ZNF224: variants seen among roughly 807,000 people sequenced by gnomAD.
The protein encoded by ZNF224 is bone marrow zinc finger 2.
ZNF224 carries 8 observed loss-of-function variants against 10.5 expected under a neutral mutation model. The ratio of observed to expected loss-of-function variants is 0.76; its 90% CI spans 0.45 to 1.37. The LOEUF is 1.37. Among genes scored for constraint, ZNF224 ranks in the 40% most tolerant of loss-of-function variants. The pLI is 0.00. For synonymous variants in ZNF224, 282 were observed against 287.8 expected (o/e 0.98, Z 0.20); for missense variants, 754 against 854.0 (o/e 0.88, Z 1.46).
intron 5 of ZNF224, among the ~76,000 whole-genome samples, chr19:44,104,131 CCT>C (rs1019137778): frequency 1.3e-5 from 2 of 152,308 alleles, no homozygotes; most frequent in African/African-American, 4.8e-5. Context: ...TTTCTTTACC[CCT>C]GTCAGGTCCA....
chr19:44,106,922 C>T lies in ZNF224; in HGVS notation c.762C>T (p.His254=). The change falls in exon 6 of 6, where the codon CAC becomes CAT. Residue 254 remains histidine, a synonymous_variant. Coordinates refer to ENST00000693561, the MANE Select transcript of ZNF224 (RefSeq NM_001321645.3). ...RSALNVHHKL[H]TGEKPYNCEE... ...CACTTAATGTTCATCATAAATTACA[C>T]ACAGGAGAGAAACCTTATAATTGTG... The T allele has an allele frequency of 1.2e-6, 2 of 1,608,266 alleles. No homozygotes were observed. The highest frequency in any genetic ancestry group is 1.3e-5 in the African/African-American group (1 of 74,932).
intron 3 of ZNF224, among the ~76,000 whole-genome samples, chr19:44,100,225 CAG>C (rs750786296): frequency 7.9e-5 from 12 of 152,176 alleles, no homozygotes. Context: ...TGGGAAGGGA[CAG>C]AGCCTTATAT....
rs1265363410 is a variant in ZNF224 at position 44,107,813 on chromosome 19, G to C, written c.1653G>C (p.Trp551Cys). Residue 551 changes from tryptophan (W) to cysteine (C), a missense_variant, in exon 6 of 6, where the codon TGG becomes TGC. Coordinates refer to ENST00000693561, the MANE Select transcript of ZNF224 (RefSeq NM_001321645.3). ...AGGAATGTGGGAAGAGTTTTGGCTG[G>C]GCCTCGTGTCTTTTGAAACATCAGA... ...NCKECGKSFG[W>C]ASCLLKHQRL... 1 of 1,601,400 alleles carries C rather than the reference G, an allele frequency of 6.2e-7. No individual in the cohort carries two copies. Among genetic ancestry groups the C allele is most frequent in the African/African-American group, 1.4e-5 (1 of 73,944 alleles).
At chr19:44,095,492 G>A (rs1967419333) in intron 1 of ZNF224, 1 of 152,172 alleles carries the variant, frequency 6.6e-6, no homozygotes, top group African/African-American at 2.4e-5. Flanking sequence ...GGACTTAGGT[G>A]GGGAAAGCAA....
At position 44,101,317 on chromosome 19, in the gene ZNF224, C is replaced by G. The variant is rs1239208313; in HGVS notation, c.235+92C>G. 8.5e-6 allele frequency: 11 copies of G among 1,299,058 alleles called. No individual in the cohort carries two copies. The African/African-American group carries it at 1.6e-4, about 19-fold the overall frequency. 80.5% of individuals were successfully genotyped at this position (1,299,058 alleles called of 1,614,324 possible). A position where few individuals can be genotyped will look rare whatever the true frequency, so the allele number is the denominator to read the frequency against. Reference sequence around the variant, plus strand: ...AATCCATTGCCCTGGCCTAAATGGCCAAACCTCTTTCTTGGATTATTGACA... The same window carrying G: ...AATCCATTGCCCTGGCCTAAATGGCGAAACCTCTTTCTTGGATTATTGACA... On this transcript the variant is annotated intron_variant, in intron 5 of 5. Coordinates refer to ENST00000693561, the MANE Select transcript of ZNF224 (RefSeq NM_001321645.3).
chr19:44,107,786 T>C lies in ZNF224; in HGVS notation c.1626T>C (p.Cys542=). 1 of 1,601,498 alleles carries C rather than the reference T, an allele frequency of 6.2e-7. No homozygotes were observed. The highest frequency in any genetic ancestry group is 8.5e-7 in the Non-Finnish European group (1 of 1,172,466). The change falls in exon 6 of 6, where the codon TGT becomes TGC. Residue 542 remains cysteine, a synonymous_variant. Coordinates refer to ENST00000693561, the MANE Select transcript of ZNF224 (RefSeq NM_001321645.3). The part of the protein sequence containing the change: ...KVHTGERPYN[C]KECGKSFGWA... ...ACACAGGAGAGAGACCATACAATTG[T>C]AAGGAATGTGGGAAGAGTTTTGGCT... is the stretch of plus-strand genomic sequence containing the variant.
intron 5 of ZNF224, among the ~76,000 whole-genome samples, chr19:44,104,314 T>C (rs1239153803): frequency 2.6e-5 from 4 of 152,238 alleles, no homozygotes; most frequent in Non-Finnish European, 4.4e-5. Flanking sequence ...TTTGATATTA[T>C]TGTGAAGAGT....
Position 44,107,045 on chromosome 19 carries a change from GA to G in ZNF224, c.886del (p.Ser296AlafsTer41). The G allele has an allele frequency of 1.9e-6, 3 of 1,602,722 alleles. No individual in the cohort carries two copies. Among genetic ancestry groups the G allele is most frequent in the Non-Finnish European group, 2.6e-6 (3 of 1,173,640 alleles). On this transcript the variant is annotated frameshift_variant, in exon 6 of 6. Coordinates refer to ENST00000693561, the MANE Select transcript of ZNF224 (RefSeq NM_001321645.3). LOFTEE classifies it low-confidence loss of function (END_TRUNC). Reference protein sequence around the residue: ...KPFKCDICGKSFCGRSRLNRH... With the variant: ...KPFKCDICGKXFCGRSRLNRH... The stretch of plus-strand genomic sequence containing the variant: ...CATTCAAATGTGATATATGTGGTAA[GA>G]GCTTCTGTGGTAGATCAAGACTTAA...
At position 44,107,119 on chromosome 19, in the gene ZNF224, C is replaced by T. The variant is rs138490189; in HGVS notation, c.959C>T (p.Thr320Met). 3.7e-5 allele frequency: 60 copies of T among 1,604,528 alleles called. No homozygotes were observed. Among genetic ancestry groups the T allele is most frequent in the Admixed American group, 5.1e-5 (3 of 59,342 alleles). Residue 320 changes from threonine (T) to methionine (M), a missense_variant, in exon 6 of 6, where the codon ACG becomes ATG. Physicochemically the swap from Thr to Met is moderately conservative, Grantham distance 81. Transcript: ENST00000693561. ...HTAEKPFRCDTCDKSFRQRSA... is the reference protein window; with the variant it reads ...HTAEKPFRCDMCDKSFRQRSA... ...GCAGAGAAACCATTCCGATGTGATA[C>T]GTGTGATAAGAGCTTTCGTCAGAGA...
intron 3 of ZNF224, among the ~76,000 whole-genome samples, chr19:44,099,464 A>T (rs1967504724): frequency 6.6e-6 from 1 of 152,200 alleles, no homozygotes; most frequent in East Asian, 1.9e-4. Flanking sequence ...CAAATAAAGG[A>T]CATTACCAGG....
intron 1 of ZNF224, chr19:44,095,388 A>T (rs911291949): frequency 2.0e-5 from 3 of 152,190 alleles, no homozygotes; most frequent in Non-Finnish European, 4.4e-5. Flanking sequence ...GACTAGTGAG[A>T]GGTGGAGCTG....
At position 44,106,627 on chromosome 19, in the gene ZNF224, C is replaced by T. The variant is rs1348089080; in HGVS notation, c.467C>T (p.Ser156Phe). The change falls in exon 6 of 6, where the codon TCC becomes TTC. Residue 156 changes from serine to phenylalanine, a missense_variant. Physicochemically the swap from Ser to Phe is radical, Grantham distance 155. Coordinates refer to ENST00000693561, the MANE Select transcript of ZNF224 (RefSeq NM_001321645.3). The stretch of plus-strand genomic sequence containing the variant: ...TCCCAGGGCAATGGATATAAACCAT[C>T]CTTCAGTGATGTCTCCCACTTTGAT... ...KSSQGNGYKPSFSDVSHFDFH... is the reference protein window; with the variant it reads ...KSSQGNGYKPFFSDVSHFDFH... 3.8e-6 allele frequency: 6 copies of T among 1,597,928 alleles called. No homozygotes were observed. In the Admixed American group the frequency reaches 5.1e-5, roughly 14 times the overall value.
At chr19:44,105,693 C>G (rs3172) in intron 5 of ZNF224, 96,918 of 152,084 alleles carry the variant, frequency 0.64, 34,632 homozygotes, top group Non-Finnish European at 0.83. Flanking sequence ...TTTTGAGTCT[C>G]CATAGTCCAT....
chr19:44,104,833 T>G (rs1355946529), intron 5 of ZNF224, among the ~76,000 whole-genome samples: 1 of 152,154 alleles, frequency 6.6e-6, no homozygotes, highest in Non-Finnish European at 1.5e-5. Context: ...GGCTAATTTT[T>G]TTGTATTTTT....
chr19:44,107,287 AGT>A lies in ZNF224; in HGVS notation c.1131_1132del (p.Cys377TrpfsTer26). The A allele has an allele frequency of 1.9e-6, 3 of 1,584,062 alleles. No individual in the cohort carries two copies. Reference sequence around the variant, plus strand: ...GGAGAAAAGCCATATAATTGTAAAGAGTGTGGGAAGAGCTTCAGATGGGCCTC... The same window carrying A: ...GGAGAAAAGCCATATAATTGTAAAGAGTGGGAAGAGCTTCAGATGGGCCTC... On this transcript the variant is annotated frameshift_variant, in exon 6 of 6. Coordinates refer to ENST00000693561, the MANE Select transcript of ZNF224 (RefSeq NM_001321645.3). LOFTEE classifies it low-confidence loss of function (END_TRUNC).
chr19:44,101,015 A>C (rs938847933), intron 4 of ZNF224, 88 bp downstream of exon 4: 37 of 1,608,784 alleles, frequency 2.3e-5, no homozygotes, highest in Middle Eastern at 3.3e-4. Flanking sequence ...CTTAATTAGT[A>C]ACTTGAACCT....
chr19:44,107,536 A>G lies in ZNF224; in HGVS notation c.1376A>G (p.Lys459Arg). ...VHTGEKLYNC[K>R]ECGKSFSRAP... ...ACAGGAGAGAAACTGTATAATTGTA[A>G]GGAATGTGGGAAGAGCTTTAGTCGG... Residue 459 changes from lysine (K) to arginine (R), a missense_variant, in exon 6 of 6, where the codon AAG becomes AGG. Transcript: ENST00000693561. The G allele has an allele frequency of 6.2e-7, 1 of 1,611,838 alleles. No homozygotes were observed. The highest frequency in any genetic ancestry group is 8.5e-7 in the Non-Finnish European group (1 of 1,179,148).
chr19:44,097,402 G>T (rs895198250), intron 2 of ZNF224, among the ~76,000 whole-genome samples: 1 of 152,100 alleles, frequency 6.6e-6, no homozygotes, highest in African/African-American at 2.4e-5. Context: ...GCCTACTTAT[G>T]GTTAGACTTC....
chr19:44,098,114 T>C (rs1457424736), intron 3 of ZNF224, among the ~76,000 whole-genome samples: 1 of 152,250 alleles, frequency 6.6e-6, no homozygotes, highest in African/African-American at 2.4e-5. Context: ...TAGGAATGGA[T>C]AATTATTTCA....
Sources: gnomAD v4.1 joint callset for allele counts (sites outside exome capture counted in the v4.1 genomes callset) on GRCh38, gnomAD v4.1.1 for gene constraint, MANE v1.5 for transcripts, NCBI Gene and HGNC (gene_info 2026-07-23, HGNC 2026-07-21) for gene names.